The following UST variants were observed in gnomAD, a reference collection of about 807,000 sequenced individuals.
UST encodes uronyl 2-sulfotransferase.
In UST, 21 loss-of-function variants were observed where a neutral mutation model predicts 45.6. That is an observed-to-expected ratio of 0.46 (90% CI 0.33 to 0.66). The LOEUF (loss-of-function observed/expected upper bound fraction) is 0.66, where lower values mean the gene tolerates loss of function less well. Ranked by LOEUF, UST falls within the 30% of genes least tolerant of loss-of-function variation. The probability of loss-of-function intolerance (pLI) is 0.02; values close to 1 mark genes in which losing one functional copy is unlikely to be tolerated. For synonymous variants in UST, 215 were observed against 200.6 expected (o/e 1.07, Z -0.61); for missense variants, 463 against 512.4 (o/e 0.90, Z 0.93).
At position 148,860,491 on chromosome 6, in the gene UST, T is replaced by C. The variant is rs1321017702; in HGVS notation, c.248-26495T>C. 6.6e-5 allele frequency among the ~76,000 whole-genome samples: 10 copies of C among 152,316 alleles called. 1 individual carries two copies. In the East Asian group the frequency reaches 1.9e-3, roughly 29 times the overall value. ...TCCTAATTGAATACCCTTTATTTCT[T>C]TCTCCTGCCTGATTGCCCTGGCCAG... On this transcript the variant is annotated intron_variant, in intron 1 of 7. Transcript: ENST00000367463.
At chr6:148,810,480 C>T (rs1777235472) in intron 1 of UST, among the ~76,000 whole-genome samples, 1 of 152,090 alleles carries the variant, frequency 6.6e-6, no homozygotes, top group Non-Finnish European at 1.5e-5. Flanking sequence ...AAATAGATCC[C>T]CACAGTAGTT....
intron 1 of UST, among the ~76,000 whole-genome samples, chr6:148,844,161 C>CT (rs905672059): frequency 5.9e-5 from 9 of 152,176 alleles, no homozygotes; most frequent in Admixed American, 6.5e-5. Flanking sequence ...TTCCATGTCA[C>CT]TTTTTTAAAA....
chr6:148,923,247 C>T (rs759437666), intron 2 of UST, among the ~76,000 whole-genome samples: 5 of 152,156 alleles, frequency 3.3e-5, no homozygotes, highest in Non-Finnish European at 4.4e-5. Flanking sequence ...AATGCTTCTA[C>T]GAATATTTCA....
chr6:148,853,110 C>T (rs1308874833), intron 1 of UST, among the ~76,000 whole-genome samples: 1 of 152,192 alleles, frequency 6.6e-6, no homozygotes, highest in Non-Finnish European at 1.5e-5. Flanking sequence ...GATGCTCTCC[C>T]TCCCTCCCCC....
At chr6:148,781,417 C>T (rs1776642231) in intron 1 of UST, among the ~76,000 whole-genome samples, 1 of 152,090 alleles carries the variant, frequency 6.6e-6, no homozygotes, top group South Asian at 2.1e-4. Flanking sequence ...TCTATGAAGG[C>T]TGAGAGAGGT....
intron 2 of UST, among the ~76,000 whole-genome samples, chr6:148,892,885 A>G (rs1779046919): frequency 6.6e-6 from 1 of 152,174 alleles, no homozygotes; most frequent in Non-Finnish European, 1.5e-5. Flanking sequence ...GCCATAATGG[A>G]TCTTAGATTT....
chr6:148,941,371 G>A lies in UST; in HGVS notation c.384G>A (p.Lys128=). The part of the protein sequence containing the change: ...VVLLLRILSE[K]HGFNLVTSDI... ...TGCTTCTGAGAATCTTGTCGGAGAA[G>A]CACGGATTTAATTTGGTCACATCAG... Residue 128 remains lysine (K), a synonymous_variant, in exon 3 of 8, where the codon AAG becomes AAA. Coordinates refer to ENST00000367463, the MANE Select transcript of UST (RefSeq NM_005715.3). The A allele has an allele frequency of 6.2e-7, 1 of 1,612,628 alleles. No homozygotes were observed. Among genetic ancestry groups the A allele is most frequent in the Middle Eastern group, 1.6e-4 (1 of 6,062 alleles).
chr6:148,767,372 T>C (rs1283318536), intron 1 of UST, among the ~76,000 whole-genome samples: 1 of 152,234 alleles, frequency 6.6e-6, no homozygotes, highest in Non-Finnish European at 1.5e-5. Context: ...TTGGAAACTA[T>C]AGTATTAAAA....
chr6:149,043,033 CTTT>C, intron 7 of UST, among the ~76,000 whole-genome samples: 1 of 120,912 alleles, frequency 8.3e-6, no homozygotes, highest in Non-Finnish European at 1.7e-5. Flanking sequence ...TTCTTTCTTT[CTTT>C]CTTTCTTTCC....
At chr6:149,036,542 A>C (rs897474458) in intron 7 of UST, among the ~76,000 whole-genome samples, 20 of 152,248 alleles carry the variant, frequency 1.3e-4, no homozygotes, top group African/African-American at 4.6e-4. Context: ...GCATGTAATC[A>C]GCCCACTACA....
intron 1 of UST, among the ~76,000 whole-genome samples, chr6:148,833,579 A>G (rs1260516028): frequency 6.6e-6 from 1 of 152,246 alleles, no homozygotes. Flanking sequence ...AGAAAGTTCC[A>G]GGGAGAAAAA....
intron 1 of UST, among the ~76,000 whole-genome samples, chr6:148,873,277 G>C (rs1043511116): frequency 3.9e-5 from 6 of 152,068 alleles, no homozygotes; most frequent in African/African-American, 1.5e-4. Context: ...ACGTCAGCTA[G>C]AAGAAGACAG....
At chr6:149,060,895 T>C (rs7770540) in intron 7 of UST, among the ~76,000 whole-genome samples, 5,913 of 152,300 alleles carry the variant, frequency 0.039, 378 homozygotes, top group African/African-American at 0.13. Flanking sequence ...TTATTTTTTT[T>C]CGCTGGTAAA....
intron 1 of UST, among the ~76,000 whole-genome samples, chr6:148,854,472 C>T (rs1339312846): frequency 6.6e-6 from 1 of 152,160 alleles, no homozygotes; most frequent in Non-Finnish European, 1.5e-5. Flanking sequence ...ATGTGCTTTT[C>T]TTCATATTTA....
At chr6:148,863,694 CCTTT>C (rs913261241) in intron 1 of UST, among the ~76,000 whole-genome samples, 2 of 152,104 alleles carry the variant, frequency 1.3e-5, no homozygotes, top group African/African-American at 4.8e-5. Context: ...GTGTGGATGT[CCTTT>C]CTGTTTGTTA....
intron 4 of UST, among the ~76,000 whole-genome samples, chr6:148,961,988 G>A (rs1429922521): frequency 6.6e-6 from 1 of 152,196 alleles, no homozygotes; most frequent in Non-Finnish European, 1.5e-5. Context: ...TATAACGGAC[G>A]TGTCACCCCA....
At chr6:148,876,707 A>G (rs1778658829) in intron 1 of UST, among the ~76,000 whole-genome samples, 1 of 151,942 alleles carries the variant, frequency 6.6e-6, no homozygotes, top group South Asian at 2.1e-4. Flanking sequence ...CATTCATTTC[A>G]TAGTCCTTTC....
At chr6:148,939,761 C>T (rs1265898654) in intron 2 of UST, among the ~76,000 whole-genome samples, 1 of 152,130 alleles carries the variant, frequency 6.6e-6, no homozygotes, top group Admixed American at 6.5e-5. Context: ...AGCTATAAAA[C>T]TCTCAGGAGG....
intron 2 of UST, among the ~76,000 whole-genome samples, chr6:148,890,902 T>C (rs1779005739): frequency 1.3e-5 from 2 of 152,190 alleles, no homozygotes; most frequent in Admixed American, 6.5e-5. Context: ...TTCTAGCAAA[T>C]GAAACAGAAA....
Sources: gnomAD v4.1 joint callset for allele counts (sites outside exome capture counted in the v4.1 genomes callset) on GRCh38, gnomAD v4.1.1 for gene constraint, MANE v1.5 for transcripts, NCBI Gene and HGNC (gene_info 2026-07-23, HGNC 2026-07-21) for gene names.